Variants in WWC1 observed in about 807,000 individuals in gnomAD.
WWC1 encodes the protein WW and C2 domain containing 1, also known as protein KIBRA.
A neutral mutation model predicts 138.4 loss-of-function variants in WWC1; 55 were observed. The ratio of observed to expected loss-of-function variants is 0.40; its 90% confidence interval spans 0.32 to 0.50. The LOEUF (loss-of-function observed/expected upper bound fraction) is 0.50. WWC1 is among the 20% of genes least tolerant of loss of function. The pLI, the probability that WWC1 is intolerant of heterozygous loss-of-function variation, is 0.72. For synonymous variants in WWC1, 524 were observed against 564.9 expected (o/e 0.93, Z 1.03); for missense variants, 1,226 against 1,420.4 (o/e 0.86, Z 2.20).
At chr5:168,303,130 G>T (rs192623368) in intron 1 of WWC1, among the ~76,000 whole-genome samples, 47 of 152,262 alleles carry the variant, frequency 3.1e-4, no homozygotes, top group Admixed American at 5.2e-4. Context: ...GAAGACAAAC[G>T]AAGTAACTTC....
chr5:168,412,047 G>T (rs1415780974), intron 8 of WWC1: 5 of 985,328 alleles, frequency 5.1e-6, no homozygotes, highest in African/African-American at 1.7e-5. Context: ...TCTGTATTTG[G>T]ACAGCCACTT....
chr5:168,361,973 C>T (rs775445351), intron 1 of WWC1, among the ~76,000 whole-genome samples: 41 of 152,132 alleles, frequency 2.7e-4, no homozygotes, highest in Non-Finnish European at 4.4e-4. Context: ...GTCCCAGCTA[C>T]TTGGGAGGCT....
chr5:168,339,675 TC>T (rs1300740715), intron 1 of WWC1, among the ~76,000 whole-genome samples: 1 of 152,206 alleles, frequency 6.6e-6, no homozygotes, highest in East Asian at 1.9e-4. Context: ...TAGCAGACTA[TC>T]CAGCACATAG....
At chr5:168,333,607 A>G (rs1335826049) in intron 1 of WWC1, among the ~76,000 whole-genome samples, 1 of 152,194 alleles carries the variant, frequency 6.6e-6, no homozygotes, top group Non-Finnish European at 1.5e-5. Context: ...CTATCTGTCC[A>G]GAAACACTGA....
intron 15 of WWC1, among the ~76,000 whole-genome samples, chr5:168,441,063 C>A (rs996345347): frequency 2.0e-5 from 3 of 152,116 alleles, no homozygotes; most frequent in African/African-American, 7.2e-5. Context: ...CAGAGTGAGA[C>A]CCTACCTCCA....
At chr5:168,340,106 C>T (rs932759143) in intron 1 of WWC1, among the ~76,000 whole-genome samples, 8 of 150,304 alleles carry the variant, frequency 5.3e-5, no homozygotes, top group East Asian at 2.0e-4. Flanking sequence ...TAGATGGTCT[C>T]GCTCTGTCGC....
In WWC1 at chr5:168,292,006, C is replaced by A. The variant is rs1262624861; in HGVS notation, c.-147C>A. 1 of 917,828 alleles carries A rather than the reference C, an allele frequency of 1.1e-6. No individual in the cohort carries two copies. Among genetic ancestry groups the A allele is most frequent in the Non-Finnish European group, 1.5e-6 (1 of 679,424 alleles). The allele number at this position is 917,828 out of a possible 1,614,324, so 56.9% of individuals were successfully genotyped here. A position where few individuals can be genotyped will look rare whatever the true frequency, so the allele number is the denominator to read the frequency against. On this transcript the variant is annotated 5_prime_UTR_variant, in exon 1 of 23. Coordinates refer to ENST00000265293, the MANE Select transcript of WWC1 (RefSeq NM_015238.3). This position sits in a 1 kb window ranked among gnomAD's most constrained non-coding sequence, Gnocchi z 4.4. ...TGGACAGCGGCGCCACCCCGGCCGG[C>A]CCCTACTAGGGCCCCCCATCTGCGG...
chr5:168,406,111 G>A (rs1267107243), intron 5 of WWC1, 87 bp from the exon 6 acceptor site: 49 of 1,509,212 alleles, frequency 3.2e-5, no homozygotes, highest in Non-Finnish European at 4.1e-5. Flanking sequence ...TTAAGGGACT[G>A]AAGTCCTGTG....
intron 1 of WWC1, among the ~76,000 whole-genome samples, chr5:168,365,820 G>C (rs1776247359): frequency 6.6e-6 from 1 of 152,340 alleles, no homozygotes; most frequent in South Asian, 2.1e-4. Context: ...TTGTAATTAA[G>C]AAGAGGCAGA....
chr5:168,370,684 C>T (rs1185197640), intron 1 of WWC1, among the ~76,000 whole-genome samples: 2 of 152,202 alleles, frequency 1.3e-5, no homozygotes, highest in African/African-American at 2.4e-5. Context: ...TGATAGTTTT[C>T]TAGCACTGAC....
chr5:168,426,128 A>G (rs1372565652), intron 11 of WWC1, among the ~76,000 whole-genome samples: 5 of 152,166 alleles, frequency 3.3e-5, no homozygotes, highest in African/African-American at 4.8e-5. Context: ...CTTGTTAACG[A>G]AAGGCTTTGA....
chr5:168,455,570 T>G (rs1229706078), intron 19 of WWC1, 50 bp downstream of exon 19: 1 of 1,589,438 alleles, frequency 6.3e-7, no homozygotes, highest in East Asian at 2.3e-5. Context: ...AGCCGAGAGC[T>G]TCACACAGGG....
chr5:168,370,994 G>T (rs964252661), intron 1 of WWC1, among the ~76,000 whole-genome samples: 1 of 152,230 alleles, frequency 6.6e-6, no homozygotes, highest in African/African-American at 2.4e-5. Context: ...GCGTGAGACA[G>T]AGCCAGGATA....
At chr5:168,369,274 A>T (rs191691862) in intron 1 of WWC1, among the ~76,000 whole-genome samples, 24 of 152,326 alleles carry the variant, frequency 1.6e-4, no homozygotes, top group African/African-American at 5.8e-4. Flanking sequence ...CAACAAATGG[A>T]GAGTTAGTAC....
intron 9 of WWC1, among the ~76,000 whole-genome samples, chr5:168,418,777 C>T (rs1218918852): frequency 6.6e-6 from 1 of 152,088 alleles, no homozygotes; most frequent in Non-Finnish European, 1.5e-5. Context: ...GCTCCTTGAT[C>T]CTGGACCTCA....
chr5:168,349,460 C>T (rs1302103083), intron 1 of WWC1, among the ~76,000 whole-genome samples: 2 of 152,208 alleles, frequency 1.3e-5, no homozygotes, highest in East Asian at 1.9e-4. Flanking sequence ...TTCTTCCTTC[C>T]ATCCCACTCT....
rs746245374 is a variant in WWC1, at chr5:168,467,853, C to T, written c.3164C>T (p.Ala1055Val). The T allele has an allele frequency of 5.6e-6, 9 of 1,614,040 alleles. No individual in the cohort carries two copies. Among genetic ancestry groups the T allele is most frequent in the Middle Eastern group, 1.6e-4 (1 of 6,084 alleles). ...TGCTTTGCCCAGCAGATGGACCGAGCGGAGCACAAGGGTGAGCTTCAGACA... is the reference window on the plus strand; with the variant it reads ...TGCTTTGCCCAGCAGATGGACCGAGTGGAGCACAAGGGTGAGCTTCAGACA... Reference protein sequence around the residue: ...RMLEKRQMDRAEHKGELQTDK... With the variant: ...RMLEKRQMDRVEHKGELQTDK... Residue 1055 changes from alanine (A) to valine (V), a missense_variant, in exon 22 of 23, where the codon GCG (alanine) becomes GTG (valine). Transcript: ENST00000265293.
chr5:168,316,951 TTTGGTCAAGA>T (rs903251966), intron 1 of WWC1: 7 of 152,204 alleles, frequency 4.6e-5, no homozygotes, highest in Non-Finnish European at 7.3e-5. Context: ...ATTGTTATCA[TTTGGTCAAGA>T]TTTCATATTC....
rs1757698823 is a variant in WWC1 at position 168,472,253 on chromosome 5, C to G, written c.*3236C>G. On this transcript the variant is annotated 3_prime_UTR_variant, in exon 23 of 23. Transcript: ENST00000265293. The stretch of plus-strand genomic sequence containing the variant: ...TTCACCAGCAAACCACCAATACATT[C>G]CATTGTTTGCCTAGAGAGAAATTTA... 1 of 152,188 alleles carries G rather than the reference C, an allele frequency of 6.6e-6. No individual in the cohort carries two copies. The highest frequency in any genetic ancestry group is 1.5e-5 in the Non-Finnish European group (1 of 68,034). 9.4% of individuals were successfully genotyped at this position (152,188 alleles called of 1,614,324 possible). A position where few individuals can be genotyped will look rare whatever the true frequency, so the allele number is the denominator to read the frequency against.
Sources: gnomAD v4.1 joint callset for allele counts (sites outside exome capture counted in the v4.1 genomes callset) on GRCh38, gnomAD v4.1.1 for gene constraint, Gnocchi (gnomAD v3.1) non-coding constraint, MANE v1.5 for transcripts, NCBI Gene and HGNC (gene_info 2026-07-23, HGNC 2026-07-21) for gene names.